ANKRD13C: variants seen among roughly 807,000 people sequenced by gnomAD.
The protein encoded by ANKRD13C is ankyrin repeat domain 13C, also known as ankyrin repeat domain-containing protein 13C.
A neutral mutation model predicts 65.5 loss-of-function variants in ANKRD13C; 16 were observed. The observed-to-expected ratio is 0.24, with a 90% confidence interval of 0.17 to 0.37. ANKRD13C has a LOEUF of 0.37. ANKRD13C is among the 10% of genes least tolerant of loss of function. ANKRD13C has a pLI of 1.00. For missense variants in ANKRD13C, 503 were observed against 655.9 expected, an observed-to-expected ratio of 0.77 and a Z score of 2.55; for synonymous variants, 235 against 238.7, an observed-to-expected ratio of 0.98 and a Z score of 0.14.
At chr1:70,341,363 GTTTT>G (rs35739788) in intron 1 of ANKRD13C, among the ~76,000 whole-genome samples, 4 of 109,160 alleles carry the variant, frequency 3.7e-5, no homozygotes, top group African/African-American at 1.5e-4. Context: ...CTTTTTGTGT[GTTTT>G]TTTTTTTTTT....
chr1:70,322,125 G>A (rs1681337080), intron 3 of ANKRD13C, among the ~76,000 whole-genome samples: 1 of 152,106 alleles, frequency 6.6e-6, no homozygotes, highest in East Asian at 1.9e-4. Flanking sequence ...GACCAGCCTG[G>A]CCAACATGGT....
intron 6 of ANKRD13C, among the ~76,000 whole-genome samples, chr1:70,303,514 A>G (rs1263247430): frequency 6.6e-6 from 1 of 152,242 alleles, no homozygotes; most frequent in Non-Finnish European, 1.5e-5. Context: ...TATACTTTCA[A>G]TCAGTGATTA....
rs182281091 is a variant in ANKRD13C, at chr1:70,285,772, G to A, written c.1215+6616C>T. On this transcript the variant is annotated intron_variant, in intron 9 of 12. Coordinates refer to ENST00000370944, the MANE Select transcript of ANKRD13C (RefSeq NM_030816.5). ...CCTCCAGAGTAGCTGGAATTACAGCGTGCCACCACACCTAGCTAATTTTTA... is the reference window on the plus strand; with the variant it reads ...CCTCCAGAGTAGCTGGAATTACAGCATGCCACCACACCTAGCTAATTTTTA... 1.2e-4 allele frequency among the ~76,000 whole-genome samples: 18 copies of A among 151,440 alleles called. No individual in the cohort carries two copies. In the South Asian group the frequency reaches 1.7e-3, roughly 14 times the overall value.
At chr1:70,271,084 C>T (rs1678857562) in intron 11 of ANKRD13C, 128 bp from the exon 12 acceptor site, 3 of 586,826 alleles carry the variant, frequency 5.1e-6, no homozygotes, top group African/African-American at 3.8e-5. Context: ...GAGTAAATTA[C>T]AGACTTTATT....
chr1:70,336,145 A>G (rs1682014725), intron 1 of ANKRD13C, 46 bp from the exon 2 acceptor site: 1 of 534,834 alleles, frequency 1.9e-6, no homozygotes, highest in Non-Finnish European at 2.8e-6. Context: ...GTGTAAAAAC[A>G]TAAGAACATT....
intron 2 of ANKRD13C, among the ~76,000 whole-genome samples, chr1:70,325,554 T>C (rs151198394): frequency 2.4e-3 from 366 of 152,308 alleles, no homozygotes; most frequent in South Asian, 7.0e-3. Context: ...TAGACCTTTC[T>C]ATAGGTTGAG....
At chr1:70,316,912 A>G (rs1681096850) in intron 3 of ANKRD13C, among the ~76,000 whole-genome samples, 1 of 152,176 alleles carries the variant, frequency 6.6e-6, no homozygotes, top group African/African-American at 2.4e-5. Context: ...ATACATACAT[A>G]TACATATGCG....
chr1:70,345,799 C>T (rs1682504070), intron 1 of ANKRD13C, among the ~76,000 whole-genome samples: 1 of 152,122 alleles, frequency 6.6e-6, no homozygotes, highest in Admixed American at 6.6e-5. Flanking sequence ...ATAACTGTCA[C>T]TTGTTTTCCT....
chr1:70,291,737 G>A (rs1679875915), intron 9 of ANKRD13C, among the ~76,000 whole-genome samples: 3 of 152,064 alleles, frequency 2.0e-5, no homozygotes, highest in Non-Finnish European at 2.9e-5. Context: ...AACCTGGGAG[G>A]CGGAAGTTGC....
chr1:70,319,377 G>A (rs1460108633), intron 3 of ANKRD13C, among the ~76,000 whole-genome samples: 10 of 152,000 alleles, frequency 6.6e-5, no homozygotes, highest in African/African-American at 1.9e-4. Context: ...AGGCCGAGCC[G>A]GGTGGATTGC....
At position 70,262,862 on chromosome 1, in the gene ANKRD13C, T is replaced by C. The variant is rs1179896526; in HGVS notation, c.1496-15A>G. ...CACAGGTATATCTACAGAGAGAACATCAATGATAGCATTGTAAAATCAAAT... is the reference window on the plus strand; with the variant it reads ...CACAGGTATATCTACAGAGAGAACACCAATGATAGCATTGTAAAATCAAAT... On this transcript the variant is annotated splice_polypyrimidine_tract_variant and intron_variant, in intron 12 of 12. Transcript: ENST00000370944. 1.2e-6 allele frequency: 2 copies of C among 1,602,294 alleles called. No individual in the cohort carries two copies. Among genetic ancestry groups the C allele is most frequent in the Non-Finnish European group, 1.7e-6 (2 of 1,172,924 alleles).
intron 3 of ANKRD13C, among the ~76,000 whole-genome samples, chr1:70,323,253 T>A (rs371321658): frequency 6.6e-6 from 1 of 152,198 alleles, no homozygotes. Context: ...CAACTGTCAG[T>A]GTATAACAAA....
chr1:70,306,396 T>C (rs2101398838), intron 5 of ANKRD13C, 106 bp from the exon 6 acceptor site: 2 of 637,488 alleles, frequency 3.1e-6, no homozygotes, highest in East Asian at 7.3e-5. Context: ...CAAATTATAA[T>C]AATTTCCTTT....
At chr1:70,298,031 C>T (rs1211111014) in intron 7 of ANKRD13C, among the ~76,000 whole-genome samples, 1 of 152,110 alleles carries the variant, frequency 6.6e-6, no homozygotes, top group South Asian at 2.1e-4. Context: ...GGTGTTACTG[C>T]TAAAGCCATA....
chr1:70,348,297 A>G (rs1389569305), intron 1 of ANKRD13C, among the ~76,000 whole-genome samples: 1 of 149,392 alleles, frequency 6.7e-6, no homozygotes, highest in Non-Finnish European at 1.5e-5. Flanking sequence ...TTTTTTTTTG[A>G]GATGGAATTT....
chr1:70,302,323 G>A (rs1315832910), intron 6 of ANKRD13C, among the ~76,000 whole-genome samples: 2 of 151,576 alleles, frequency 1.3e-5, no homozygotes, highest in Admixed American at 6.6e-5. Flanking sequence ...GGGGCGGGGG[G>A]CTGCCTGTTG....
At chr1:70,321,553 T>C (rs747479554) in intron 3 of ANKRD13C, among the ~76,000 whole-genome samples, 1 of 152,088 alleles carries the variant, frequency 6.6e-6, no homozygotes, top group Non-Finnish European at 1.5e-5. Flanking sequence ...GCACAAACTG[T>C]GAACAACTTC....
intron 3 of ANKRD13C, among the ~76,000 whole-genome samples, chr1:70,317,614 G>T (rs1681127518): frequency 6.6e-6 from 1 of 152,032 alleles, no homozygotes; most frequent in South Asian, 2.1e-4. Context: ...GAGAATCAAT[G>T]ACTTAGATAA....
At chr1:70,338,922 T>C (rs1414724863) in intron 1 of ANKRD13C, among the ~76,000 whole-genome samples, 1 of 152,108 alleles carries the variant, frequency 6.6e-6, no homozygotes, top group Admixed American at 6.5e-5. Context: ...AAAGTAGTCC[T>C]AAAAAGCAAA....
Sources: allele counts gnomAD v4.1 joint callset (sites outside exome capture counted in the v4.1 genomes callset), GRCh38; gene constraint gnomAD v4.1.1; transcripts MANE v1.5; gene names NCBI Gene and HGNC (gene_info 2026-07-23, HGNC 2026-07-21).